Variants in LOXHD1 observed in about 807,000 individuals in gnomAD.
The protein encoded by LOXHD1 is lipoxygenase homology domain-containing protein 1.
A neutral mutation model predicts 248.2 loss-of-function variants in LOXHD1; 205 were observed. The ratio of observed to expected loss-of-function variants is 0.83; its 90% CI spans 0.74 to 0.93. LOXHD1 has a LOEUF of 0.93. LOXHD1 is among the 40% of genes least tolerant of loss of function. The probability of loss-of-function intolerance (pLI) is 0.00; values close to 1 mark genes in which losing one functional copy is unlikely to be tolerated. For missense variants in LOXHD1, 2,930 were observed against 2,971.6 expected (o/e 0.99, Z 0.33); for synonymous variants, 1,113 against 1,162.8 (o/e 0.96, Z 0.87).
At chr18:46,656,490 T>C (rs758670851) in intron 1 of LOXHD1, among the ~76,000 whole-genome samples, 1 of 152,136 alleles carries the variant, frequency 6.6e-6, no homozygotes, top group Non-Finnish European at 1.5e-5. Context: ...ACAGTGGGCA[T>C]AGGATGAGCT....
intron 28 of LOXHD1, among the ~76,000 whole-genome samples, chr18:46,532,757 T>C (rs146510031): frequency 2.0e-3 from 301 of 152,334 alleles, no homozygotes; most frequent in African/African-American, 6.9e-3. Context: ...TCTTGATTCA[T>C]ACTAAGTTGG....
At chr18:46,560,566 C>A (rs191161074) in intron 18 of LOXHD1, 21 bp from the exon 19 acceptor site, 1 of 1,507,468 alleles carries the variant, frequency 6.6e-7, no homozygotes. Flanking sequence ...GGCAGGGCAG[C>A]GGCTGTCGTG....
intron 26 of LOXHD1, among the ~76,000 whole-genome samples, chr18:46,536,737 G>A (rs935228864): frequency 6.6e-6 from 1 of 152,334 alleles, no homozygotes; most frequent in Admixed American, 6.5e-5. Context: ...CTCAGCAAAG[G>A]TGACAGACCT....
intron 12 of LOXHD1, among the ~76,000 whole-genome samples, chr18:46,584,016 A>T (rs1229141107): frequency 1.3e-5 from 2 of 152,178 alleles, no homozygotes; most frequent in African/African-American, 4.8e-5. Flanking sequence ...ATTCAGCCAC[A>T]AAAAAAGGAA....
At chr18:46,579,927 T>A in intron 12 of LOXHD1, 143 bp from the exon 13 acceptor site, 1 of 1,007,208 alleles carries the variant, frequency 9.9e-7, no homozygotes, top group Non-Finnish European at 1.4e-6. Context: ...CCCAACTATC[T>A]AAATCCTACC....
Position 46,614,038 on chromosome 18 carries a change from A to T in LOXHD1, c.611-3114T>A, listed in dbSNP as rs183078448. On this transcript the variant is annotated intron_variant, in intron 5 of 40. Transcript: ENST00000642948. ...AATGAGATACCATCTCACACCAGTT[A>T]GAATGGTGATCATTAAAAAGTCAGG... Among the ~76,000 whole-genome samples, 79 of 152,330 alleles carry T rather than the reference A, an allele frequency of 5.2e-4. No homozygotes were observed. In the East Asian group the frequency reaches 0.014, roughly 27 times the overall value.
At chr18:46,557,790 C>T in intron 20 of LOXHD1, 1 of 1,170,006 alleles carries the variant, frequency 8.5e-7, no homozygotes, top group South Asian at 1.8e-5. Context: ...TGCTGGATGC[C>T]CACATCTGTG....
chr18:46,566,003 T>C (rs987440610), intron 17 of LOXHD1, among the ~76,000 whole-genome samples: 1 of 152,154 alleles, frequency 6.6e-6, no homozygotes, highest in Non-Finnish European at 1.5e-5. Context: ...CCTAATAAAG[T>C]CATTTGCTGC....
chr18:46,572,867 A>G (rs1481521435), intron 14 of LOXHD1, among the ~76,000 whole-genome samples: 1 of 151,774 alleles, frequency 6.6e-6, no homozygotes, highest in Non-Finnish European at 1.5e-5. Context: ...ACTGAAAAAC[A>G]AAAAAATTAG....
At chr18:46,481,886 C>T (rs919019962) in intron 40 of LOXHD1, among the ~76,000 whole-genome samples, 3 of 152,186 alleles carry the variant, frequency 2.0e-5, no homozygotes, top group Non-Finnish European at 4.4e-5. Flanking sequence ...AACTCTCTCT[C>T]GGCCAACATT....
intron 39 of LOXHD1, among the ~76,000 whole-genome samples, 166 bp from the exon 40 acceptor site, chr18:46,483,911 T>C (rs1303405705): frequency 6.6e-6 from 1 of 152,046 alleles, no homozygotes; most frequent in Non-Finnish European, 1.5e-5. Context: ...CAGTTCAGTT[T>C]GGGACCAAGA....
At chr18:46,559,410 C>T (rs1393669518) in intron 20 of LOXHD1, 38 bp downstream of exon 20, 1 of 1,551,630 alleles carries the variant, frequency 6.4e-7, no homozygotes, top group Non-Finnish European at 8.7e-7. Flanking sequence ...GCACCAAACC[C>T]ACAGCCCCCA....
chr18:46,593,782 A>T (rs1273654195), intron 9 of LOXHD1, 22 bp from the exon 10 acceptor site: 1 of 1,550,872 alleles, frequency 6.4e-7, no homozygotes, highest in South Asian at 1.2e-5. Context: ...ATCAAGTTGC[A>T]CCATAAACTT....
At chr18:46,535,503 G>A (rs2036269382) in intron 26 of LOXHD1, among the ~76,000 whole-genome samples, 2 of 152,160 alleles carry the variant, frequency 1.3e-5, no homozygotes, top group Admixed American at 1.3e-4. Context: ...GGTATGGGAT[G>A]CAGAGGAGAA....
At chr18:46,545,886 C>T (rs2036798181) in intron 22 of LOXHD1, among the ~76,000 whole-genome samples, 1 of 151,798 alleles carries the variant, frequency 6.6e-6, no homozygotes, top group African/African-American at 2.4e-5. Flanking sequence ...GCCTCGGCCT[C>T]CCAAAGTGCT....
At position 46,604,237 on chromosome 18, in the gene LOXHD1, G is replaced by C. The variant is rs564510850; in HGVS notation, c.760-8C>G. On this transcript the variant is annotated splice_region_variant and splice_polypyrimidine_tract_variant and intron_variant, in intron 6 of 40. Transcript: ENST00000642948. ...AATATCTTCAATGACTATCTGGGAAGGAGAAGAGGGGACAAGGATGTAGAT... is the reference window on the plus strand; with the variant it reads ...AATATCTTCAATGACTATCTGGGAACGAGAAGAGGGGACAAGGATGTAGAT... 1.2e-5 allele frequency: 19 copies of C among 1,551,654 alleles called. No homozygotes were observed. Among genetic ancestry groups the C allele is most frequent in the Non-Finnish European group, 1.6e-5 (18 of 1,146,940 alleles).
At position 46,538,206 on chromosome 18, in the gene LOXHD1, C is replaced by T; in HGVS notation, c.4045G>A (p.Glu1349Lys). 1 of 1,541,378 alleles carries T rather than the reference C, an allele frequency of 6.5e-7. No individual in the cohort carries two copies. Among genetic ancestry groups the T allele is most frequent in the Non-Finnish European group, 8.8e-7 (1 of 1,138,170 alleles). ...QQKYLCTNKREQKQFFERKSA... is the reference protein window; with the variant it reads ...QQKYLCTNKRKQKQFFERKSA... ...TTCCTCTCAAAGAACTGCTTCTGTTCCCTCTTGTTGGTACACAGATACTTC... is the reference window on the plus strand; with the variant it reads ...TTCCTCTCAAAGAACTGCTTCTGTTTCCTCTTGTTGGTACACAGATACTTC... Residue 1349 changes from glutamate (E) to lysine (K), a missense_variant, in exon 26 of 41, where the codon GAA (glutamate) becomes AAA (lysine). Physicochemically the swap from Glu to Lys is moderately conservative, Grantham distance 56 (BLOSUM62 1). Coordinates refer to ENST00000642948, the MANE Select transcript of LOXHD1 (RefSeq NM_001384474.1).
chr18:46,647,575 T>G (rs1038131155), intron 2 of LOXHD1, among the ~76,000 whole-genome samples: 1 of 152,180 alleles, frequency 6.6e-6, no homozygotes, highest in Admixed American at 6.5e-5. Context: ...GGAGGTTTCA[T>G]GTATTCTCTT....
chr18:46,604,300 T>C (rs1313689431), intron 6 of LOXHD1, 71 bp from the exon 7 acceptor site: 4 of 1,531,622 alleles, frequency 2.6e-6, no homozygotes, highest in East Asian at 4.9e-5. Flanking sequence ...TCTAATCCAA[T>C]CTTCCAATCA....
Sources: gnomAD v4.1 joint callset for allele counts (sites outside exome capture counted in the v4.1 genomes callset) on GRCh38, gnomAD v4.1.1 for gene constraint, MANE v1.5 for transcripts, NCBI Gene and HGNC (gene_info 2026-07-23, HGNC 2026-07-21) for gene names.